The following EIF2AK3 variants were observed in gnomAD, a reference collection of about 807,000 sequenced individuals.
EIF2AK3 encodes eukaryotic translation initiation factor 2-alpha kinase 3.
In EIF2AK3, 50 loss-of-function variants were observed where a neutral mutation model predicts 113.5. The ratio of observed to expected loss-of-function variants is 0.44; its 90% CI spans 0.35 to 0.56. The LOEUF (loss-of-function observed/expected upper bound fraction) is 0.56. Among genes scored for constraint, EIF2AK3 ranks in the 20% least tolerant of loss-of-function variants. EIF2AK3 has a pLI of 0.00. For missense variants in EIF2AK3, 1,185 were observed against 1,378.0 expected (o/e 0.86, Z 2.22); for synonymous variants, 448 against 495.4 (o/e 0.90, Z 1.27).
chr2:88,563,222 G>A (rs1239721702), intron 14 of EIF2AK3, among the ~76,000 whole-genome samples: 1 of 152,192 alleles, frequency 6.6e-6, no homozygotes, highest in African/African-American at 2.4e-5. Flanking sequence ...AGTAGAGGTG[G>A]TCACAGGGCA....
At chr2:88,605,232 C>T (rs910723056) in intron 2 of EIF2AK3, among the ~76,000 whole-genome samples, 2 of 152,178 alleles carry the variant, frequency 1.3e-5, no homozygotes, top group African/African-American at 4.8e-5. Context: ...CTCAGTCTAG[C>T]TCATGTGACT....
chr2:88,568,899 T>G (rs1324368575), intron 14 of EIF2AK3, among the ~76,000 whole-genome samples: 2 of 150,722 alleles, frequency 1.3e-5, no homozygotes, highest in African/African-American at 2.4e-5. Context: ...TGACAGAGAG[T>G]TTTTTTTTCG....
intron 8 of EIF2AK3, 54 bp from the exon 9 acceptor site, chr2:88,586,115 G>A (rs543398078): frequency 8.0e-5 from 108 of 1,349,090 alleles, no homozygotes; most frequent in East Asian, 1.4e-4. Flanking sequence ...AAATAGGCCC[G>A]TCTTTAACTA....
rs756471929 is a variant in EIF2AK3 at position 88,588,050 on chromosome 2, A to G, written c.1361T>C (p.Leu454Pro). 6 of 1,575,628 alleles carry G rather than the reference A, an allele frequency of 3.8e-6. No homozygotes were observed. The South Asian group carries it at 4.6e-5, about 12-fold the overall frequency. ...TTCATGAGAAAACTTATCATTACTG[A>G]GACATTTGTCAAATTCATCAGATCC... ...LVGSDEFDKC[L>P]SNDKFSHEEY... is the part of the protein sequence containing the mutation. Residue 454 changes from leucine (L) to proline (P), a missense_variant, in exon 8 of 17, where the codon CTC (leucine) becomes CCC (proline). Leu to Pro is a moderately conservative substitution (Grantham distance 98). Around this residue, in one of 3 missense-constraint regions of EIF2AK3, gnomAD observed 877 missense variants for 1,024.2 expected, o/e 0.86. Coordinates refer to ENST00000303236, the MANE Select transcript of EIF2AK3 (RefSeq NM_004836.7).
At chr2:88,586,854 A>G (rs546079164) in intron 8 of EIF2AK3, among the ~76,000 whole-genome samples, 1 of 151,026 alleles carries the variant, frequency 6.6e-6, no homozygotes, top group South Asian at 2.1e-4. Context: ...AGCCTCCCAA[A>G]GTGCTGGGAT....
At chr2:88,584,696 G>A (rs1033014236) in intron 9 of EIF2AK3, among the ~76,000 whole-genome samples, 4 of 152,030 alleles carry the variant, frequency 2.6e-5, no homozygotes, top group Admixed American at 6.6e-5. Flanking sequence ...CCCAGGGGAC[G>A]TGGCAACTAA....
At position 88,557,614 on chromosome 2, in the gene EIF2AK3, A is replaced by G; in HGVS notation, c.*122T>C. 1 of 1,058,446 alleles carries G rather than the reference A, an allele frequency of 9.4e-7. No homozygotes were observed. Among genetic ancestry groups the G allele is most frequent in the Non-Finnish European group, 1.5e-6 (1 of 680,656 alleles). The allele number at this position is 1,058,446 out of a possible 1,614,324, so 65.6% of individuals were successfully genotyped here. On this transcript the variant is annotated 3_prime_UTR_variant, in exon 17 of 17. Coordinates refer to ENST00000303236, the MANE Select transcript of EIF2AK3 (RefSeq NM_004836.7). Reference sequence around the variant, plus strand: ...TCCAGCTTAAATTTGATATAAAAAAAGTAGTCCACAAAAAAATTGAGCGAA... The same window carrying G: ...TCCAGCTTAAATTTGATATAAAAAAGGTAGTCCACAAAAAAATTGAGCGAA...
At chr2:88,616,587 C>T (rs1056207164) in intron 1 of EIF2AK3, among the ~76,000 whole-genome samples, 5 of 152,004 alleles carry the variant, frequency 3.3e-5, no homozygotes, top group Admixed American at 1.3e-4. Flanking sequence ...CCATCACACC[C>T]GGCTAATTTT....
intron 2 of EIF2AK3, among the ~76,000 whole-genome samples, chr2:88,596,034 G>C (rs1675012288): frequency 6.6e-6 from 1 of 152,148 alleles, no homozygotes; most frequent in Non-Finnish European, 1.5e-5. Flanking sequence ...ATAGCAATTA[G>C]TATGTTAATG....
Position 88,614,823 on chromosome 2 carries a change from A to C in EIF2AK3, c.309-970T>G, listed in dbSNP as rs141709933. Among the ~76,000 whole-genome samples, 364 of 152,334 alleles carry C rather than the reference A, an allele frequency of 2.4e-3. 3 individuals carry two copies. Among genetic ancestry groups the C allele is most frequent in the African/African-American group, 8.6e-3 (359 of 41,572 alleles). On this transcript the variant is annotated intron_variant, in intron 1 of 16. Transcript: ENST00000303236. ...TGTCACACTCTGGAAGAACTGGTTAAAGTCAATCTTCTCCCCTTTCTCACT... is the reference window on the plus strand; with the variant it reads ...TGTCACACTCTGGAAGAACTGGTTACAGTCAATCTTCTCCCCTTTCTCACT...
chr2:88,591,324 A>G (rs1674884354), intron 4 of EIF2AK3, among the ~76,000 whole-genome samples: 2 of 152,176 alleles, frequency 1.3e-5, no homozygotes, highest in African/African-American at 2.4e-5. Context: ...TCTCTCAAAA[A>G]CTTACAAATG....
At chr2:88,608,809 G>T (rs1217748218) in intron 2 of EIF2AK3, among the ~76,000 whole-genome samples, 1 of 143,148 alleles carries the variant, frequency 7.0e-6, no homozygotes, top group African/African-American at 2.6e-5. Flanking sequence ...CCAGGCCCAA[G>T]TGATCCTCCC....
chr2:88,571,118 T>C, intron 13 of EIF2AK3, 77 bp from the exon 14 acceptor site: 1 of 1,482,712 alleles, frequency 6.7e-7, no homozygotes, highest in East Asian at 2.3e-5. Context: ...TTTAAAAGAC[T>C]ACAAAGAAAA....
chr2:88,598,834 AAT>A (rs1675079667), intron 2 of EIF2AK3, among the ~76,000 whole-genome samples: 1 of 152,174 alleles, frequency 6.6e-6, no homozygotes, highest in African/African-American at 2.4e-5. Context: ...TCTATTAGGA[AAT>A]ATACACTGAT....
chr2:88,627,173 A>C lies in EIF2AK3; in HGVS notation c.102T>G (p.Arg34=), dbSNP rs1478560005. 1 of 1,442,190 alleles carries C rather than the reference A, an allele frequency of 6.9e-7. No individual in the cohort carries two copies. Among genetic ancestry groups the C allele is most frequent in the African/African-American group, 1.5e-5 (1 of 67,182 alleles). The allele number at this position is 1,442,190 out of a possible 1,614,324, so 89.3% of individuals were successfully genotyped here. A position where few individuals can be genotyped will look rare whatever the true frequency, so the allele number is the denominator to read the frequency against. Residue 34 remains arginine, a synonymous_variant, in exon 1 of 17, where the codon CGT becomes CGG. Coordinates refer to ENST00000303236, the MANE Select transcript of EIF2AK3 (RefSeq NM_004836.7). ...AARTVAAGRA[R]GLPAPTAEAA... Reference sequence around the variant, plus strand: ...CCTCCGCCGTCGGCGCTGGGAGGCCACGGGCGCGCCCCGCGGCCACCGTCC... The same window carrying C: ...CCTCCGCCGTCGGCGCTGGGAGGCCCCGGGCGCGCCCCGCGGCCACCGTCC...
chr2:88,579,443 TAAG>T, intron 11 of EIF2AK3, 72 bp downstream of exon 11: 1 of 1,580,502 alleles, frequency 6.3e-7, no homozygotes, highest in Non-Finnish European at 8.7e-7. Flanking sequence ...CAGAGTACAG[TAAG>T]AAGGATATTT....
intron 3 of EIF2AK3, among the ~76,000 whole-genome samples, chr2:88,594,411 G>T (rs1435198114): frequency 6.6e-6 from 1 of 152,146 alleles, no homozygotes; most frequent in African/African-American, 2.4e-5. Flanking sequence ...TGGCCAGGCT[G>T]GTCTCGAACT....
intron 8 of EIF2AK3, among the ~76,000 whole-genome samples, chr2:88,586,557 A>G (rs1318925408): frequency 6.7e-6 from 1 of 148,174 alleles, no homozygotes; most frequent in African/African-American, 2.5e-5. Flanking sequence ...TCTATTTTGT[A>G]CTACGTGGTC....
chr2:88,625,811 A>G (rs1389137168), intron 1 of EIF2AK3, among the ~76,000 whole-genome samples: 7 of 152,232 alleles, frequency 4.6e-5, no homozygotes, highest in African/African-American at 1.7e-4. Flanking sequence ...AAACTGACTC[A>G]TTAGCAAACC....
Sources: gnomAD v4.1 joint callset for allele counts (sites outside exome capture counted in the v4.1 genomes callset) on GRCh38, gnomAD v4.1.1 for gene constraint, gnomAD v4.1.1 regional missense constraint, MANE v1.5 for transcripts, NCBI Gene and HGNC (gene_info 2026-07-23, HGNC 2026-07-21) for gene names.